The following ALDH6A1 variants were observed in gnomAD, a reference collection of about 807,000 sequenced individuals.
ALDH6A1 encodes methylmalonate-semialdehyde/malonate-semialdehyde dehydrogenase [acylating], mitochondrial.
A neutral mutation model predicts 62.6 loss-of-function variants in ALDH6A1; 43 were observed. The ratio of observed to expected loss-of-function variants is 0.69; its 90% CI spans 0.54 to 0.89. The LOEUF is 0.89. Among genes scored for constraint, ALDH6A1 ranks in the 40% least tolerant of loss-of-function variants. The pLI is 0.00. For missense variants in ALDH6A1, 551 were observed against 661.3 expected, an observed-to-expected ratio of 0.83 and a Z score of 1.83; for synonymous variants, 194 against 234.2, an observed-to-expected ratio of 0.83 and a Z score of 1.57.
intron 1 of ALDH6A1, among the ~76,000 whole-genome samples, chr14:74,078,822 C>A (rs2060641056): frequency 6.6e-6 from 1 of 151,778 alleles, no homozygotes; most frequent in Admixed American, 6.6e-5. Context: ...AGCCACTGCA[C>A]CTGGCCACAT....
Position 74,060,533 on chromosome 14 carries a change from C to G in ALDH6A1, c.*109G>C. ...ATAGTCCTGAGGAAGATTTTAGTTA[C>G]AATGTATTCCAATCCCATCGATCTG... On this transcript the variant is annotated 3_prime_UTR_variant, in exon 12 of 12. Transcript: ENST00000553458. 1.2e-6 allele frequency: 1 copy of G among 854,150 alleles called. No homozygotes were observed. Among genetic ancestry groups the G allele is most frequent in the Non-Finnish European group, 2.0e-6 (1 of 497,258 alleles). 52.9% of individuals were successfully genotyped at this position (854,150 alleles called of 1,614,324 possible).
Position 74,060,157 on chromosome 14 carries a change from C to T in ALDH6A1, c.*485G>A. On this transcript the variant is annotated 3_prime_UTR_variant, in exon 12 of 12. Transcript: ENST00000553458. ...CATCTTCTTTAAAAAATTTTTTTTC[C>T]CTTTTCTTTTTTTACTTTTTCAATT... 2.6e-5 allele frequency: 4 copies of T among 156,010 alleles called. No homozygotes were observed. Among genetic ancestry groups the T allele is most frequent in the Non-Finnish European group, 5.7e-5 (4 of 70,240 alleles). 9.7% of individuals were successfully genotyped at this position (156,010 alleles called of 1,614,324 possible).
rs761933511 is a variant in ALDH6A1, at chr14:74,066,770, T to C, written c.1159A>G (p.Lys387Glu). ...TTTTCATAGCCTTTCACTTTAATTT[T>C]TCGTCCATCAAGAAGGATGGAAGCT... Reference protein sequence around the residue: ...EGASILLDGRKIKVKGYENGN... With the variant: ...EGASILLDGREIKVKGYENGN... The change falls in exon 9 of 12, where the codon AAA becomes GAA. Residue 387 changes from lysine (K) to glutamate (E), a missense_variant. By Grantham distance (56) the Lys-to-Glu change is moderately conservative. Transcript: ENST00000553458. 1.9e-6 allele frequency: 3 copies of C among 1,614,138 alleles called. No homozygotes were observed. In the Admixed American group the frequency reaches 5.0e-5, roughly 27 times the overall value.
chr14:74,059,187 G>A lies in ALDH6A1; in HGVS notation c.*1455C>T, dbSNP rs548411762. ...ACCACTTTATGTCATGGAAAGCTTC[G>A]AAATTTCTTAGGCCCAGTTAATTGC... On this transcript the variant is annotated 3_prime_UTR_variant, in exon 12 of 12. Coordinates refer to ENST00000553458, the MANE Select transcript of ALDH6A1 (RefSeq NM_005589.4). 135 of 214,096 alleles carry A rather than the reference G, an allele frequency of 6.3e-4. 1 individual carries two copies. The highest frequency in any genetic ancestry group is 4.8e-3 in the South Asian group (90 of 18,616). The allele number at this position is 214,096 out of a possible 1,614,324, so 13.3% of individuals were successfully genotyped here.
chr14:74,069,740 C>T (rs952111452), intron 6 of ALDH6A1, among the ~76,000 whole-genome samples: 1 of 151,532 alleles, frequency 6.6e-6, no homozygotes, highest in Non-Finnish European at 1.5e-5. Flanking sequence ...GCAACAAGAG[C>T]AAAACTCCAT....
intron 11 of ALDH6A1, 90 bp from the exon 12 acceptor site, chr14:74,060,836 C>CACTTTATAA: frequency 1.1e-6 from 1 of 895,844 alleles, no homozygotes; most frequent in Non-Finnish European, 1.9e-6. Context: ...TTATAAAGTG[C>CACTTTATAA]TACTCACTTT....
Position 74,067,211 on chromosome 14 carries a change from T to TA in ALDH6A1, c.1042+168dup, listed in dbSNP as rs899869325. 5.1e-4 allele frequency among the ~76,000 whole-genome samples: 77 copies of TA among 151,280 alleles called. 2 individuals carry two copies. In the South Asian group the frequency reaches 0.01, roughly 21 times the overall value. The stretch of plus-strand genomic sequence containing the variant: ...CTTGGGTAACAGACAGCCTGTGCTT[T>TA]AAAAAAAAAGACTGCTAACAAGATG... On this transcript the variant is annotated intron_variant, in intron 8 of 11. Transcript: ENST00000553458.
chr14:74,078,289 C>T (rs2139811983), intron 1 of ALDH6A1: 4 of 455,602 alleles, frequency 8.8e-6, no homozygotes, highest in East Asian at 6.9e-5. Context: ...AGCCAGCAAG[C>T]TCCATGCAGG....
Position 74,059,492 on chromosome 14 carries a change from T to G in ALDH6A1, c.*1150A>C, listed in dbSNP as rs1781430604. 2 of 419,578 alleles carry G rather than the reference T, an allele frequency of 4.8e-6. No individual in the cohort carries two copies. The highest frequency in any genetic ancestry group is 3.4e-5 in the South Asian group (2 of 58,018). The allele number at this position is 419,578 out of a possible 1,614,324, so 26.0% of individuals were successfully genotyped here. A position where few individuals can be genotyped will look rare whatever the true frequency, so the allele number is the denominator to read the frequency against. Reference sequence around the variant, plus strand: ...AGGCGGATCACCTGAGGTCAGGAGTTCGAGACCAGCCTGACCAACACGGAG... The same window carrying G: ...AGGCGGATCACCTGAGGTCAGGAGTGCGAGACCAGCCTGACCAACACGGAG... On this transcript the variant is annotated 3_prime_UTR_variant, in exon 12 of 12. Transcript: ENST00000553458.
At chr14:74,082,492 C>G (rs4903180) in intron 1 of ALDH6A1, among the ~76,000 whole-genome samples, 5 of 147,292 alleles carry the variant, frequency 3.4e-5, no homozygotes, top group Non-Finnish European at 5.9e-5. Flanking sequence ...CTCCGTCTTC[C>G]GGGTTCAAGC....
chr14:74,071,277 T>C lies in ALDH6A1; in HGVS notation c.648A>G (p.Gly216=), dbSNP rs779463560. 2 of 1,614,092 alleles carry C rather than the reference T, an allele frequency of 1.2e-6. No homozygotes were observed. Among genetic ancestry groups the C allele is most frequent in the Middle Eastern group, 1.6e-4 (1 of 6,062 alleles). The change falls in exon 6 of 12, where the codon GGA becomes GGG. Residue 216 remains glycine, a synonymous_variant. Coordinates refer to ENST00000553458, the MANE Select transcript of ALDH6A1 (RefSeq NM_005589.4). The part of the protein sequence containing the change: ...FLMKPSERVP[G]ATMLLAKLLQ... ...GCAACTTAGCAAGAAGCATAGTTGC[T>C]CCAGGGACTCGCTCAGATGGTTTCA...
intron 9 of ALDH6A1, 112 bp downstream of exon 9, chr14:74,066,593 A>G: frequency 9.0e-7 from 1 of 1,113,762 alleles, no homozygotes; most frequent in South Asian, 1.3e-5. Context: ...CAATCCTGGC[A>G]AGAGATAAGG....
At position 74,062,853 on chromosome 14, in the gene ALDH6A1, C is replaced by T. The variant is rs2060377572; in HGVS notation, c.1503+1969G>A. On this transcript the variant is annotated intron_variant, in intron 11 of 11. Coordinates refer to ENST00000553458, the MANE Select transcript of ALDH6A1 (RefSeq NM_005589.4). ...AAAAGGGGAGACTTGTATAACAAAA[C>T]ATGTAATTTATTAATGAAGGTTTCA... 1.3e-5 allele frequency among the ~76,000 whole-genome samples: 2 copies of T among 152,088 alleles called. 1 individual carries two copies. The highest frequency in any genetic ancestry group is 4.1e-4 in the South Asian group (2 of 4,832).
rs375778321 is a variant in ALDH6A1 at position 74,057,639 on chromosome 14, T to C, written c.*3003A>G. ...GAGGACAAAGGCTTATAAGGAGATA[T>C]GAAATGATTTTTTTAAGCCAAGTTT... is the stretch of plus-strand genomic sequence containing the variant. On this transcript the variant is annotated 3_prime_UTR_variant, in exon 12 of 12. Coordinates refer to ENST00000553458, the MANE Select transcript of ALDH6A1 (RefSeq NM_005589.4). 22 of 1,332,436 alleles carry C rather than the reference T, an allele frequency of 1.7e-5. No individual in the cohort carries two copies. Among genetic ancestry groups the C allele is most frequent in the Non-Finnish European group, 4.9e-6 (5 of 1,020,854 alleles). The allele number at this position is 1,332,436 out of a possible 1,614,324, so 82.5% of individuals were successfully genotyped here.
At position 74,060,623 on chromosome 14, in the gene ALDH6A1, G is replaced by C. The variant is rs756258700; in HGVS notation, c.*19C>G. 6.5e-6 allele frequency: 10 copies of C among 1,541,062 alleles called. No individual in the cohort carries two copies. Among genetic ancestry groups the C allele is most frequent in the Non-Finnish European group, 9.0e-6 (10 of 1,113,550 alleles). On this transcript the variant is annotated 3_prime_UTR_variant, in exon 12 of 12. Coordinates refer to ENST00000553458, the MANE Select transcript of ALDH6A1 (RefSeq NM_005589.4). ...AGGGAGATTACTCAGGATGGAGTCA[G>C]TCTTAAACAAACTTGTTTCTAACGG...
chr14:74,079,606 G>A (rs2060651606), intron 1 of ALDH6A1, among the ~76,000 whole-genome samples: 1 of 151,668 alleles, frequency 6.6e-6, no homozygotes, highest in East Asian at 1.9e-4. Flanking sequence ...CTAGTTTTTT[G>A]TATTTTTAGT....
intron 6 of ALDH6A1, chr14:74,070,695 T>C (rs969351296): frequency 5.5e-6 from 1 of 181,920 alleles, no homozygotes; most frequent in Non-Finnish European, 1.1e-5. Flanking sequence ...TTTGGGCTAA[T>C]TAATTTCACT....
chr14:74,067,721 C>T (rs908390354), intron 7 of ALDH6A1, 152 bp from the exon 8 acceptor site: 10 of 820,582 alleles, frequency 1.2e-5, no homozygotes, highest in Non-Finnish European at 1.6e-5. Flanking sequence ...GTCAGGAGTT[C>T]AAGACCAGCC....
At chr14:74,061,103 G>A (rs954803352) in intron 11 of ALDH6A1, among the ~76,000 whole-genome samples, 1 of 151,420 alleles carries the variant, frequency 6.6e-6, no homozygotes, top group South Asian at 2.1e-4. Flanking sequence ...TCAGCCTCTC[G>A]AGTAGCTGGG....
Sources: allele counts gnomAD v4.1 joint callset (sites outside exome capture counted in the v4.1 genomes callset), GRCh38; gene constraint gnomAD v4.1.1; transcripts MANE v1.5; gene names NCBI Gene and HGNC (gene_info 2026-07-23, HGNC 2026-07-21).